SLC26A1: variants seen among roughly 807,000 people sequenced by gnomAD.
SLC26A1 encodes sulfate anion transporter 1.
Under a neutral mutation model 14.5 loss-of-function variants are expected in SLC26A1, and 18 were observed. That is an observed-to-expected ratio of 1.24 (90% CI 0.86 to 1.84). The LOEUF is 1.84. Ranked by LOEUF, SLC26A1 falls within the 40% of genes most tolerant of loss-of-function variation. SLC26A1 has a pLI of 0.00. For synonymous variants in SLC26A1, 505 were observed against 492.0 expected, an observed-to-expected ratio of 1.03 and a Z score of -0.35; for missense variants, 1,049 against 1,020.0, an observed-to-expected ratio of 1.03 and a Z score of -0.39.
Position 990,286 on chromosome 4 carries a change from C to A in SLC26A1, c.653G>T (p.Gly218Val), listed in dbSNP as rs1364863071. 6.2e-7 allele frequency: 1 copy of A among 1,602,562 alleles called. No individual in the cohort carries two copies. The highest frequency in any genetic ancestry group is 8.5e-7 in the Non-Finnish European group (1 of 1,176,186). ...CGAGGTCAGGATGGTCACGGAGGCC[C>A]CCATGGCAAAGCCATCGAGCAGTGG... Reference protein sequence around the residue: ...SQPLLDGFAMGASVTILTSQL... With the variant: ...SQPLLDGFAMVASVTILTSQL... Residue 218 changes from glycine to valine, a missense_variant, in exon 3 of 3, where the codon GGG (glycine) becomes GTG (valine). Transcript: ENST00000398516.
chr4:989,065 G>C lies in SLC26A1; in HGVS notation c.1874C>G (p.Ala625Gly), dbSNP rs1198278863. The change falls in exon 3 of 3, where the codon GCC (alanine) becomes GGC (glycine). Residue 625 changes from alanine to glycine, a missense_variant. Coordinates refer to ENST00000398516, the MANE Select transcript of SLC26A1 (RefSeq NM_022042.4). ...CAGGTCCTGCAGCGTGCTCACACCGGCTGCGTCTAGGAACAGCAGCGGGGC... is the reference window on the plus strand; with the variant it reads ...CAGGTCCTGCAGCGTGCTCACACCGCCTGCGTCTAGGAACAGCAGCGGGGC... ...DCAPLLFLDAAGVSTLQDLRR... is the reference protein window; with the variant it reads ...DCAPLLFLDAGGVSTLQDLRR... The C allele has an allele frequency of 1.9e-6, 3 of 1,588,400 alleles. No individual in the cohort carries two copies. Among genetic ancestry groups the C allele is most frequent in the African/African-American group, 1.3e-5 (1 of 74,206 alleles).
rs369806449 is a variant in SLC26A1 at position 990,015 on chromosome 4, G to A, written c.924C>T (p.Phe308=). 8.0e-5 allele frequency: 127 copies of A among 1,582,518 alleles called. 1 individual carries two copies. The highest frequency in any genetic ancestry group is 3.3e-4 in the Middle Eastern group (2 of 6,044). ...AGCCAAAGCGCTTGTGGAGCTGCCC[G>A]AAGTGCGACACGAGTGTGGCCACCA... ...VIVVATLVSH[F]GQLHKRFGSS... is the part of the protein sequence containing the mutation. The change falls in exon 3 of 3, where the codon TTC becomes TTT. Residue 308 remains phenylalanine, a synonymous_variant. Transcript: ENST00000398516.
In SLC26A1 at chr4:989,425, G is replaced by T; in HGVS notation, c.1514C>A (p.Thr505Asn). 6.4e-7 allele frequency: 1 copy of T among 1,555,542 alleles called. No individual in the cohort carries two copies. The stretch of plus-strand genomic sequence containing the variant: ...CAGCAGGGCGGTGCGTGGGCGTTGG[G>T]TGCGGCCGGCCAGGCTGAGCAGCGA... ...ILSLLSLAGR[T>N]QRPRTALLAR... is the part of the protein sequence containing the mutation. Residue 505 changes from threonine (T) to asparagine (N), a missense_variant, in exon 3 of 3, where the codon ACC (threonine) becomes AAC (asparagine). Transcript: ENST00000398516.
downstream of SLC26A1, chr4:987,145 C>T (rs778952883): frequency 2.1e-6 from 3 of 1,411,170 alleles, no homozygotes; most frequent in Admixed American, 8.8e-5. Context: ...CCTGGCCGCG[C>T]CCCCGGTGGC....
rs778482338 is a variant in SLC26A1, at chr4:990,229, G to A, written c.710C>T (p.Pro237Leu). The change falls in exon 3 of 3, where the codon CCG (proline) becomes CTG (leucine). Residue 237 changes from proline (P) to leucine (L), a missense_variant. Transcript: ENST00000398516. ...CACCATGCCGGGCCCCTGGTGCCGC[G>A]GGATCCGCACGCCCAGCAGGTGTTT... The part of the protein sequence containing the change: ...QLKHLLGVRI[P>L]RHQGPGMVVL... The A allele has an allele frequency of 3.3e-5, 52 of 1,574,172 alleles. No homozygotes were observed. The highest frequency in any genetic ancestry group is 3.3e-4 in the Middle Eastern group (2 of 6,006).
At position 989,009 on chromosome 4, in the gene SLC26A1, G is replaced by C. The variant is rs777429756; in HGVS notation, c.1930C>G (p.Leu644Val). The change falls in exon 3 of 3, where the codon CTG becomes GTG. Residue 644 changes from leucine (L) to valine (V), a missense_variant. Leu to Val is a conservative substitution (Grantham distance 32, BLOSUM62 1). Transcript: ENST00000398516. ...RRDYGALGIS[L>V]LLACCSPPVR... The stretch of plus-strand genomic sequence containing the variant: ...GGCGGGCTGCAGCAGGCTAGCAGCA[G>C]GCTGATGCCCAGGGCCCCGTAGTCT... 3 of 1,590,352 alleles carry C rather than the reference G, an allele frequency of 1.9e-6. No individual in the cohort carries two copies. In the South Asian group the frequency reaches 3.4e-5, roughly 18 times the overall value.
intron 2 of SLC26A1, chr4:990,770 C>A (rs753464397): frequency 2.8e-5 from 11 of 386,388 alleles, no homozygotes; most frequent in Non-Finnish European, 5.1e-5. Context: ...AGGCAGGAGA[C>A]CTTCGGGGGT....
rs369294755 is a variant in SLC26A1, at chr4:991,382, C to T, written c.322G>A (p.Ala108Thr). 4.9e-5 allele frequency: 79 copies of T among 1,612,676 alleles called. No individual in the cohort carries two copies. The highest frequency in any genetic ancestry group is 6.1e-5 in the Non-Finnish European group (72 of 1,179,950). Reference sequence around the variant, plus strand: ...CCCATGAGGAAGTAGATGAGGTTGGCGAAGAAGGACGTATAGAGGCTGTAG... The same window carrying T: ...CCCATGAGGAAGTAGATGAGGTTGGTGAAGAAGGACGTATAGAGGCTGTAG... ...PIYSLYTSFF[A>T]NLIYFLMGTS... Residue 108 changes from alanine (A) to threonine (T), a missense_variant, in exon 2 of 3, where the codon GCC becomes ACC. By Grantham distance (58) the Ala-to-Thr change is moderately conservative (BLOSUM62 0). Transcript: ENST00000398516.
At position 990,209 on chromosome 4, in the gene SLC26A1, T is replaced by C; in HGVS notation, c.730A>G (p.Met244Val). ...AGGCTCAGCCATGTGAGGACCACCA[T>C]GCCGGGCCCCTGGTGCCGCGGGATC... ...VRIPRHQGPG[M>V]VVLTWLSLLR... Residue 244 changes from methionine (M) to valine (V), a missense_variant, in exon 3 of 3, where the codon ATG becomes GTG. Physicochemically the swap from Met to Val is conservative, Grantham distance 21 (BLOSUM62 1). Coordinates refer to ENST00000398516, the MANE Select transcript of SLC26A1 (RefSeq NM_022042.4). 1 of 1,563,416 alleles carries C rather than the reference T, an allele frequency of 6.4e-7. No homozygotes were observed. The highest frequency in any genetic ancestry group is 8.7e-7 in the Non-Finnish European group (1 of 1,154,648).
chr4:989,884 GC>G lies in SLC26A1; in HGVS notation c.1054del (p.Ala352LeufsTer53), dbSNP rs1714115336. The G allele has an allele frequency of 6.4e-7, 1 of 1,569,698 alleles. No homozygotes were observed. Among genetic ancestry groups the G allele is most frequent in the Non-Finnish European group, 8.6e-7 (1 of 1,158,412 alleles). ...CGCCAGCGAGATGGAGAAGGCGGCA[GC>G]CACGAGGGCCAGGGCCACGGCATCC... Reference protein sequence around the residue: ...ALDAVALALVAAAFSISLAEM... With the variant: ...ALDAVALALVXAAFSISLAEM... On this transcript the variant is annotated frameshift_variant, in exon 3 of 3. Transcript: ENST00000398516. LOFTEE classifies it low-confidence loss of function (END_TRUNC).
At chr4:980,459 G>A (rs1713504256) in intron 2 of SLC26A1, among the ~76,000 whole-genome samples, 1 of 151,970 alleles carries the variant, frequency 6.6e-6, no homozygotes, top group Non-Finnish European at 1.5e-5. Flanking sequence ...GGTGGCGGGC[G>A]CCTGTAGTCC....
chr4:987,328 G>C, downstream of SLC26A1: 1 of 1,274,470 alleles, frequency 7.8e-7, no homozygotes, highest in South Asian at 1.3e-5. Context: ...GAGCTTCAGA[G>C]ACCGGAGCTC....
In SLC26A1 at chr4:990,423, G is replaced by A. The variant is rs1714195126; in HGVS notation, c.577-61C>T. The A allele has an allele frequency of 2.7e-6, 4 of 1,472,538 alleles. No homozygotes were observed. The Admixed American group carries it at 6.5e-5, about 24-fold the overall frequency. 91.2% of individuals were successfully genotyped at this position (1,472,538 alleles called of 1,614,324 possible). ...GGCGGGAGCCACCTGCCCCTCACCAGCACCTGGCATGGCCCGAGGGGTGGT... is the reference window on the plus strand; with the variant it reads ...GGCGGGAGCCACCTGCCCCTCACCAACACCTGGCATGGCCCGAGGGGTGGT... On this transcript the variant is annotated intron_variant, in intron 2 of 2. Transcript: ENST00000398516.
chr4:989,760 G>A lies in SLC26A1; in HGVS notation c.1179C>T (p.Phe393=), dbSNP rs771840183. 42 of 1,559,070 alleles carry A rather than the reference G, an allele frequency of 2.7e-5. No homozygotes were observed. The highest frequency in any genetic ancestry group is 1.2e-4 in the African/African-American group (9 of 73,718). ...CNVLPAFLHC[F]ATSAALAKSL... ...TCTTGGCCAGGGCGGCGCTGGTGGC[G>A]AAGCAGTGGAGGAAGGCGGGTAGCA... The change falls in exon 3 of 3, where the codon TTC becomes TTT. Residue 393 remains phenylalanine, a synonymous_variant. Coordinates refer to ENST00000398516, the MANE Select transcript of SLC26A1 (RefSeq NM_022042.4).
downstream of SLC26A1, chr4:987,279 A>C (rs1241889561): frequency 6.6e-7 from 1 of 1,504,228 alleles, no homozygotes; most frequent in Non-Finnish European, 8.8e-7. Flanking sequence ...CCCTGGCCGC[A>C]CGGGGAGAGC....
chr4:989,876 A>AGGC lies in SLC26A1; in HGVS notation c.1060_1062dup (p.Ala354dup), dbSNP rs1300301955. 1.4e-5 allele frequency: 22 copies of AGGC among 1,573,686 alleles called. No individual in the cohort carries two copies. The highest frequency in any genetic ancestry group is 1.8e-5 in the Non-Finnish European group (21 of 1,160,552). ...AACATCTCCGCCAGCGAGATGGAGA[A>AGGC]GGCGGCAGCCACGAGGGCCAGGGCC... On this transcript the variant is annotated inframe_insertion, in exon 3 of 3. Coordinates refer to ENST00000398516, the MANE Select transcript of SLC26A1 (RefSeq NM_022042.4).
intron 2 of SLC26A1, among the ~76,000 whole-genome samples, chr4:981,529 T>A (rs955210793): frequency 1.3e-5 from 2 of 152,128 alleles, no homozygotes; most frequent in African/African-American, 4.8e-5. Flanking sequence ...TCCCAGGTAC[T>A]CAGGAGACTG....
chr4:979,432 G>C, exon 3 of SLC26A1: 1 of 1,597,012 alleles, frequency 6.3e-7, no homozygotes, highest in South Asian at 1.1e-5. Context: ...TCCTCTTCCA[G>C]AAGTTCCTGC....
chr4:990,044 T>C lies in SLC26A1; in HGVS notation c.895A>G (p.Ile299Val), dbSNP rs1714140714. ...RVPLPTELLVIVVATLVSHFG... is the reference protein window; with the variant it reads ...RVPLPTELLVVVVATLVSHFG... ...TGCGACACGAGTGTGGCCACCACGA[T>C]GACCAGCAGCTCCGTGGGCAGCGGC... is the stretch of plus-strand genomic sequence containing the variant. Residue 299 changes from isoleucine to valine, a missense_variant, in exon 3 of 3, where the codon ATC (isoleucine) becomes GTC (valine). By Grantham distance (29) the Ile-to-Val change is conservative. Transcript: ENST00000398516. 4 of 1,600,250 alleles carry C rather than the reference T, an allele frequency of 2.5e-6. No homozygotes were observed. The highest frequency in any genetic ancestry group is 1.7e-4 in the Middle Eastern group (1 of 6,048).
Sources: gnomAD v4.1 joint callset for allele counts (sites outside exome capture counted in the v4.1 genomes callset) on GRCh38, gnomAD v4.1.1 for gene constraint, MANE v1.5 for transcripts, NCBI Gene and HGNC (gene_info 2026-07-23, HGNC 2026-07-21) for gene names.